The following SLC7A11 variants were observed in gnomAD, a reference collection of about 807,000 sequenced individuals.
The protein encoded by SLC7A11 is cystine/glutamate transporter.
SLC7A11 carries 35 observed loss-of-function variants against 54.5 expected under a neutral mutation model. That is an observed-to-expected ratio of 0.64 (90% CI 0.49 to 0.85). The LOEUF (loss-of-function observed/expected upper bound fraction) is 0.85. Among genes scored for constraint, SLC7A11 ranks in the 40% least tolerant of loss-of-function variants. The pLI is 0.00. For missense variants in SLC7A11, 583 were observed against 618.1 expected, an observed-to-expected ratio of 0.94 and a Z score of 0.60; for synonymous variants, 230 against 225.2, an observed-to-expected ratio of 1.02 and a Z score of -0.19.
chr4:138,170,998 G>A lies in SLC7A11; in HGVS notation c.*958C>T, dbSNP rs1736412042. Reference sequence around the variant, plus strand: ...AACTTCAGAATTACTAACATTGCATGTAGATATGATTACAGATATGGGACT... The same window carrying A: ...AACTTCAGAATTACTAACATTGCATATAGATATGATTACAGATATGGGACT... On this transcript the variant is annotated 3_prime_UTR_variant, in exon 12 of 12. Coordinates refer to ENST00000280612, the MANE Select transcript of SLC7A11 (RefSeq NM_014331.4). The A allele has an allele frequency of 6.6e-6, 1 of 152,138 alleles. No homozygotes were observed. The highest frequency in any genetic ancestry group is 2.1e-4 in the South Asian group (1 of 4,838). The allele number at this position is 152,138 out of a possible 1,614,324, so 9.4% of individuals were successfully genotyped here.
intron 2 of SLC7A11, 86 bp downstream of exon 2, chr4:138,236,239 T>G: frequency 8.8e-7 from 1 of 1,138,666 alleles, no homozygotes; most frequent in Non-Finnish European, 1.3e-6. Flanking sequence ...ATGACATGCA[T>G]GTGTCTAACC....
chr4:138,215,827 T>A (rs1170021259), intron 5 of SLC7A11, among the ~76,000 whole-genome samples: 1 of 152,100 alleles, frequency 6.6e-6, no homozygotes, highest in Non-Finnish European at 1.5e-5. Context: ...CAAGAAATAT[T>A]TTTAGGCTTC....
At chr4:138,221,774 C>G (rs1737819405) in intron 4 of SLC7A11, among the ~76,000 whole-genome samples, 1 of 152,118 alleles carries the variant, frequency 6.6e-6, no homozygotes, top group Non-Finnish European at 1.5e-5. Context: ...GTCTATAATG[C>G]TACCTATAGT....
In SLC7A11 at chr4:138,223,193, C is replaced by A; in HGVS notation, c.646+6G>T. 1.2e-6 allele frequency: 2 copies of A among 1,611,556 alleles called. No homozygotes were observed. Among genetic ancestry groups the A allele is most frequent in the South Asian group, 1.1e-5 (1 of 90,896 alleles). On this transcript the variant is annotated splice_donor_region_variant and intron_variant, in intron 4 of 11. Transcript: ENST00000280612. The stretch of plus-strand genomic sequence containing the variant: ...TTTTAAAAAGCATTTGCTTTTCAGT[C>A]CATACCTTTAATTAGCTGCATAACT...
intron 5 of SLC7A11, among the ~76,000 whole-genome samples, chr4:138,218,886 C>T (rs1180289778): frequency 6.6e-6 from 1 of 152,166 alleles, no homozygotes; most frequent in African/African-American, 2.4e-5. Flanking sequence ...TATTTGTAAA[C>T]ACCCTTGGAG....
In SLC7A11 at chr4:138,170,250, G is replaced by GTGTA. The variant is rs1443314500; in HGVS notation, c.*1705_*1706insTACA. 32 of 74,092 alleles carry GTGTA rather than the reference G, an allele frequency of 4.3e-4. No homozygotes were observed. The highest frequency in any genetic ancestry group is 9.3e-4 in the Admixed American group (5 of 5,356). The allele number at this position is 74,092 out of a possible 1,614,324, so 4.6% of individuals were successfully genotyped here. A position where few individuals can be genotyped will look rare whatever the true frequency, so the allele number is the denominator to read the frequency against. On this transcript the variant is annotated 3_prime_UTR_variant, in exon 12 of 12. Coordinates refer to ENST00000280612, the MANE Select transcript of SLC7A11 (RefSeq NM_014331.4). ...ATATAAAAAGTGTGTGTGTGTGTGTGTATATATATATATATATATATACAC... is the reference window on the plus strand; with the variant it reads ...ATATAAAAAGTGTGTGTGTGTGTGTGTGTATATATATATATATATATATATACAC...
At chr4:138,202,707 C>T (rs950243077) in intron 6 of SLC7A11, among the ~76,000 whole-genome samples, 1 of 152,132 alleles carries the variant, frequency 6.6e-6, no homozygotes, top group East Asian at 1.9e-4. Flanking sequence ...GAATTTGCTA[C>T]TCCACCATTT....
At chr4:138,237,127 A>T (rs897684215) in intron 1 of SLC7A11, among the ~76,000 whole-genome samples, 4 of 150,980 alleles carry the variant, frequency 2.6e-5, no homozygotes, top group African/African-American at 9.8e-5. Context: ...CTGGGACTAC[A>T]GGCGCCCGCC....
chr4:138,179,564 G>A (rs1736669857), intron 10 of SLC7A11, among the ~76,000 whole-genome samples, 170 bp from the exon 11 acceptor site: 1 of 152,168 alleles, frequency 6.6e-6, no homozygotes, highest in Non-Finnish European at 1.5e-5. Flanking sequence ...ATGGTGCACA[G>A]ATAATGTATT....
At chr4:138,214,394 T>G (rs1425711923) in intron 6 of SLC7A11, among the ~76,000 whole-genome samples, 191 bp downstream of exon 6, 2 of 150,950 alleles carry the variant, frequency 1.3e-5, no homozygotes, top group Non-Finnish European at 3.0e-5. Flanking sequence ...TGTATATAAT[T>G]ATAAATATAA....
rs1736318178 is a variant in SLC7A11 at position 138,168,265 on chromosome 4, A to G, written c.*3691T>C. 6.6e-6 allele frequency: 1 copy of G among 152,188 alleles called. No individual in the cohort carries two copies. 9.4% of individuals were successfully genotyped at this position (152,188 alleles called of 1,614,324 possible). On this transcript the variant is annotated 3_prime_UTR_variant, in exon 12 of 12. Coordinates refer to ENST00000280612, the MANE Select transcript of SLC7A11 (RefSeq NM_014331.4). ...TTAGGTTTCATTAGCTTCCTGCGAG[A>G]TCCACCTATGCACAGCAAACAACTA...
chr4:138,212,081 A>C (rs556310265), intron 6 of SLC7A11, among the ~76,000 whole-genome samples: 1 of 152,056 alleles, frequency 6.6e-6, no homozygotes, highest in East Asian at 1.9e-4. Flanking sequence ...GTACCCAATT[A>C]TCCTGATTTG....
intron 6 of SLC7A11, among the ~76,000 whole-genome samples, chr4:138,210,820 T>G (rs1167636180): frequency 1.3e-5 from 2 of 152,142 alleles, no homozygotes; most frequent in Non-Finnish European, 2.9e-5. Flanking sequence ...GTTCAGCCTC[T>G]GTGGAAAGAA....
chr4:138,202,844 CACA>C (rs1258724532), intron 6 of SLC7A11, among the ~76,000 whole-genome samples: 3 of 152,116 alleles, frequency 2.0e-5, no homozygotes, highest in Non-Finnish European at 2.9e-5. Context: ...GAGCTACCTT[CACA>C]ACACCAGTGT....
intron 5 of SLC7A11, among the ~76,000 whole-genome samples, chr4:138,215,920 TA>T (rs1560733263): frequency 6.6e-6 from 1 of 152,124 alleles, no homozygotes; most frequent in African/African-American, 2.4e-5. Flanking sequence ...AGAAAGAAAA[TA>T]TTTATGAAAA....
At chr4:138,185,316 G>GGCTA in intron 6 of SLC7A11, 72 bp from the exon 7 acceptor site, 1 of 1,506,352 alleles carries the variant, frequency 6.6e-7, no homozygotes, top group Non-Finnish European at 9.2e-7. Context: ...GAAAATAACA[G>GGCTA]GCTAATTCAA....
chr4:138,166,689 T>C lies in SLC7A11; in HGVS notation c.*5267A>G, dbSNP rs1184717897. The C allele has an allele frequency of 6.6e-6, 1 of 152,586 alleles. No individual in the cohort carries two copies. The highest frequency in any genetic ancestry group is 2.4e-5 in the African/African-American group (1 of 41,450). 9.5% of individuals were successfully genotyped at this position (152,586 alleles called of 1,614,324 possible). A position where few individuals can be genotyped will look rare whatever the true frequency, so the allele number is the denominator to read the frequency against. ...AAGCTGTAAAGGCGGTTATTGGTAC[T>C]ATAAATGTACACTTGATTCAAGTAC... On this transcript the variant is annotated 3_prime_UTR_variant, in exon 12 of 12. Coordinates refer to ENST00000280612, the MANE Select transcript of SLC7A11 (RefSeq NM_014331.4).
intron 3 of SLC7A11, among the ~76,000 whole-genome samples, chr4:138,228,884 G>A (rs1396787166): frequency 6.6e-6 from 1 of 151,760 alleles, no homozygotes; most frequent in Non-Finnish European, 1.5e-5. Context: ...ATGTTTACTG[G>A]AATGGATGAA....
At chr4:138,175,719 C>T (rs1329765205) in intron 11 of SLC7A11, 1 of 151,990 alleles carries the variant, frequency 6.6e-6, no homozygotes, top group African/African-American at 2.4e-5. Context: ...AGAGATTTAT[C>T]AAATCTCTGA....
Sources: allele counts gnomAD v4.1 joint callset (sites outside exome capture counted in the v4.1 genomes callset), GRCh38; gene constraint gnomAD v4.1.1; transcripts MANE v1.5; gene names NCBI Gene and HGNC (gene_info 2026-07-23, HGNC 2026-07-21).